HAPSTR1: variants seen among roughly 807,000 people sequenced by gnomAD.
The protein encoded by HAPSTR1 is HUWE1 associated protein modifying stress responses, also known as HUWE1-associated protein modifying stress responses 1.
At chr16:9,108,726 T>G in the HAPSTR1 span, 25 of 152,232 alleles carry the variant, frequency 1.6e-4, no homozygotes, top group Non-Finnish European at 3.1e-4. Flanking sequence ...CCTGGTTCAC[T>G]GGTTAGGAAG....
chr16:9,117,312 A>G, the HAPSTR1 span: 1 of 188,298 alleles, frequency 5.3e-6, no homozygotes. Context: ...TTGCTTCAAC[A>G]GTATTGCCAG....
At chr16:9,111,798 G>A in the HAPSTR1 span, 1 of 152,040 alleles carries the variant, frequency 6.6e-6, no homozygotes, top group Non-Finnish European at 1.5e-5. Context: ...TGTTATCCCA[G>A]TATATAGAGA....
At chr16:9,106,752 T>C in the HAPSTR1 span, 1 of 152,148 alleles carries the variant, frequency 6.6e-6, no homozygotes, top group Non-Finnish European at 1.5e-5. Flanking sequence ...GAGATAAACA[T>C]GCATGTGCTA....
the HAPSTR1 span, among the ~76,000 whole-genome samples, chr16:9,098,292 C>T: frequency 6.6e-6 from 1 of 152,304 alleles, no homozygotes; most frequent in Middle Eastern, 3.4e-3. Flanking sequence ...GAGATCAGGC[C>T]ATTGCACTCC....
the HAPSTR1 span, chr16:9,093,042 C>T: frequency 6.4e-6 from 10 of 1,559,558 alleles, no homozygotes; most frequent in Non-Finnish European, 1.8e-6. Context: ...AGGGAAGGGC[C>T]GCCTGCGTCA....
the HAPSTR1 span, among the ~76,000 whole-genome samples, chr16:9,095,909 CAA>C: frequency 1.7e-4 from 26 of 152,176 alleles, no homozygotes; most frequent in African/African-American, 5.8e-4. Flanking sequence ...TTGATAAATG[CAA>C]AGAGGATGGT....
At chr16:9,106,002 T>C in the HAPSTR1 span, 69 of 152,378 alleles carry the variant, frequency 4.5e-4, no homozygotes, top group African/African-American at 1.6e-3. Flanking sequence ...TGACACCTGC[T>C]GAATATTTCG....
the HAPSTR1 span, among the ~76,000 whole-genome samples, chr16:9,094,369 G>A: frequency 6.6e-6 from 1 of 151,894 alleles, no homozygotes; most frequent in African/African-American, 2.4e-5. Context: ...TGAACGTTTT[G>A]GAATGGCTCT....
the HAPSTR1 span, chr16:9,118,499 G>A: frequency 6.6e-6 from 1 of 152,616 alleles, no homozygotes; most frequent in Admixed American, 6.5e-5. Context: ...TTGAAGTTCT[G>A]TATTCATTAT....
chr16:9,116,964 A>C, the HAPSTR1 span: 1 of 1,598,388 alleles, frequency 6.3e-7, no homozygotes, highest in Non-Finnish European at 8.5e-7. Flanking sequence ...CTTGATCCTC[A>C]ACATATACTA....
chr16:9,112,256 C>T, the HAPSTR1 span: 1 of 152,186 alleles, frequency 6.6e-6, no homozygotes, highest in Non-Finnish European at 1.5e-5. Flanking sequence ...CAACTTTGTG[C>T]AAAAGGAGTG....
At chr16:9,120,179 C>T in the HAPSTR1 span, 14 of 152,330 alleles carry the variant, frequency 9.2e-5, no homozygotes, top group African/African-American at 2.4e-4. Flanking sequence ...TTCAGAGATA[C>T]ATTCTGGATT....
the HAPSTR1 span, chr16:9,119,503 A>T: frequency 6.6e-6 from 1 of 152,222 alleles, no homozygotes; most frequent in Admixed American, 6.5e-5. Context: ...GGCATGGGCA[A>T]GTTGAAGTTC....
chr16:9,099,257 G>C, the HAPSTR1 span, among the ~76,000 whole-genome samples: 1 of 147,154 alleles, frequency 6.8e-6, no homozygotes, highest in Non-Finnish European at 1.5e-5. Flanking sequence ...GAGTGCCATG[G>C]TGCAATCTTG....
chr16:9,108,919 G>A, the HAPSTR1 span: 1 of 152,208 alleles, frequency 6.6e-6, no homozygotes, highest in Non-Finnish European at 1.5e-5. Context: ...AAGAAAAGGA[G>A]AATTGCTGGT....
At chr16:9,092,811 C>T in the HAPSTR1 span, 3 of 1,150,910 alleles carry the variant, frequency 2.6e-6, no homozygotes, top group South Asian at 1.5e-5. Flanking sequence ...CCTAATATGG[C>T]CGTTCCGGAG....
the HAPSTR1 span, among the ~76,000 whole-genome samples, chr16:9,096,976 C>T: frequency 2.0e-5 from 3 of 152,064 alleles, no homozygotes; most frequent in Non-Finnish European, 4.4e-5. Flanking sequence ...AAGTCTCGCT[C>T]TTGTCCCCCA....
At chr16:9,111,686 T>A in the HAPSTR1 span, 1 of 152,212 alleles carries the variant, frequency 6.6e-6, no homozygotes, top group East Asian at 1.9e-4. Context: ...TAGTCCTTGT[T>A]TAAGCAGTTT....
At chr16:9,092,852 C>G in the HAPSTR1 span, 1,458 of 1,400,782 alleles carry the variant, frequency 1.0e-3, 11 homozygotes, top group African/African-American at 0.019. Flanking sequence ...TTCTTGTTCT[C>G]TTTCTTTCTC....
Sources: gnomAD v4.1 joint callset for allele counts (sites outside exome capture counted in the v4.1 genomes callset) on GRCh38, gnomAD v4.1.1 for gene constraint, MANE v1.5 for transcripts, NCBI Gene and HGNC (gene_info 2026-07-23, HGNC 2026-07-21) for gene names.